The following CHSY3 variants were observed in gnomAD, a reference collection of about 807,000 sequenced individuals.
The protein encoded by CHSY3 is chondroitin sulfate synthase 3.
In CHSY3, 35 loss-of-function variants were observed where a neutral mutation model predicts 67.2. That is an observed-to-expected ratio of 0.52 (90% confidence interval 0.40 to 0.69). CHSY3 has a LOEUF of 0.69. CHSY3 is among the 30% of genes least tolerant of loss of function. The probability of loss-of-function intolerance (pLI) is 0.00; values close to 1 mark genes in which losing one functional copy is unlikely to be tolerated. For synonymous variants in CHSY3, 474 were observed against 434.7 expected (o/e 1.09, Z -1.12); for missense variants, 1,069 against 1,138.5 (o/e 0.94, Z 0.88).
At chr5:130,125,132 A>C (rs1249834246) in intron 2 of CHSY3, among the ~76,000 whole-genome samples, 1 of 152,162 alleles carries the variant, frequency 6.6e-6, no homozygotes, top group Admixed American at 6.5e-5. Context: ...GTTGAATCTC[A>C]CAGGACAAGG....
At chr5:130,034,270 A>G (rs927890834) in intron 2 of CHSY3, among the ~76,000 whole-genome samples, 2 of 152,100 alleles carry the variant, frequency 1.3e-5, no homozygotes, top group African/African-American at 2.4e-5. Context: ...TAATATTCTA[A>G]TAGGCTTTTA....
intron 2 of CHSY3, among the ~76,000 whole-genome samples, chr5:129,978,381 C>T (rs1388512220): frequency 6.6e-6 from 1 of 152,110 alleles, no homozygotes; most frequent in Non-Finnish European, 1.5e-5. Flanking sequence ...TTAATAGCTT[C>T]ATTCATATTT....
chr5:130,030,790 A>G (rs768552601), intron 2 of CHSY3, among the ~76,000 whole-genome samples: 2 of 152,034 alleles, frequency 1.3e-5, no homozygotes, highest in African/African-American at 4.8e-5. Flanking sequence ...TATTCCCCGG[A>G]GCTAGGTTCT....
intron 2 of CHSY3, among the ~76,000 whole-genome samples, chr5:130,157,047 T>A (rs1271078444): frequency 1.3e-5 from 2 of 152,200 alleles, no homozygotes; most frequent in African/African-American, 4.8e-5. Flanking sequence ...ACGAACTACT[T>A]ACTTGTGGTC....
chr5:129,959,857 ACTTGAT>A, intron 2 of CHSY3, among the ~76,000 whole-genome samples: 1 of 151,900 alleles, frequency 6.6e-6, no homozygotes, highest in African/African-American at 2.4e-5. Context: ...ATCTTTTTTT[ACTTGAT>A]AACAACACTT....
intron 2 of CHSY3, among the ~76,000 whole-genome samples, chr5:130,044,471 A>G (rs1169013703): frequency 1.3e-5 from 2 of 152,144 alleles, no homozygotes; most frequent in Non-Finnish European, 2.9e-5. Flanking sequence ...AAACAGAGGA[A>G]AGCAGATGAA....
At chr5:129,960,487 G>A (rs976901757) in intron 2 of CHSY3, among the ~76,000 whole-genome samples, 9 of 152,018 alleles carry the variant, frequency 5.9e-5, no homozygotes, top group African/African-American at 2.2e-4. Context: ...ATTTAAAAAA[G>A]ACAACTGTAG....
intron 2 of CHSY3, among the ~76,000 whole-genome samples, chr5:130,143,734 G>GTGTGTGTATATATA (rs1223966105): frequency 1.1e-5 from 1 of 94,662 alleles, no homozygotes; most frequent in Non-Finnish European, 2.0e-5. Flanking sequence ...GTGTGTGTGT[G>GTGTGTGTATATATA]TATATATATA....
intron 2 of CHSY3, among the ~76,000 whole-genome samples, chr5:130,158,057 G>T (rs1044027544): frequency 6.6e-6 from 1 of 152,232 alleles, no homozygotes; most frequent in Admixed American, 6.5e-5. Context: ...GGTCACTCTT[G>T]TTGCCATCTT....
chr5:130,087,199 G>C (rs949153620), intron 2 of CHSY3, among the ~76,000 whole-genome samples: 3 of 151,592 alleles, frequency 2.0e-5, no homozygotes, highest in African/African-American at 7.3e-5. Context: ...AATAAATTAG[G>C]TATTGATGGG....
intron 2 of CHSY3, among the ~76,000 whole-genome samples, chr5:130,149,412 C>A (rs1401180387): frequency 1.3e-5 from 2 of 152,118 alleles, no homozygotes; most frequent in Admixed American, 6.6e-5. Flanking sequence ...GGTTGTACAT[C>A]ACATGGTGAA....
At chr5:129,945,301 G>A (rs1323574951) in intron 2 of CHSY3, among the ~76,000 whole-genome samples, 3 of 152,192 alleles carry the variant, frequency 2.0e-5, no homozygotes, top group Non-Finnish European at 2.9e-5. Flanking sequence ...AAAATTGCTA[G>A]TCTGTTCTTT....
intron 2 of CHSY3, among the ~76,000 whole-genome samples, chr5:130,077,401 A>T (rs1190316609): frequency 2.0e-5 from 3 of 152,084 alleles, no homozygotes. Context: ...CCCAAACAGG[A>T]ATTTATTTTT....
At chr5:130,057,610 C>T (rs1765576705) in intron 2 of CHSY3, among the ~76,000 whole-genome samples, 1 of 152,032 alleles carries the variant, frequency 6.6e-6, no homozygotes, top group Non-Finnish European at 1.5e-5. Context: ...GAGCTGGTAG[C>T]AAAAATCACA....
chr5:129,923,891 G>T (rs1323946874), intron 2 of CHSY3, among the ~76,000 whole-genome samples: 1 of 152,182 alleles, frequency 6.6e-6, no homozygotes, highest in African/African-American at 2.4e-5. Context: ...GATTAGGCAG[G>T]CAGGGGTACA....
Position 129,998,822 on chromosome 5 carries a change from CT to C in CHSY3, c.1086+90465del, listed in dbSNP as rs1039883833. Among the ~76,000 whole-genome samples the C allele has an allele frequency of 5.9e-5, 9 of 152,032 alleles. No individual in the cohort carries two copies. In the South Asian group the frequency reaches 1.9e-3, roughly 32 times the overall value. ...CTCATTCAGTACAGAAATTTGCTCT[CT>C]TTGTGCCATATGTTGCAAAATTCTT... On this transcript the variant is annotated intron_variant, in intron 2 of 2. Coordinates refer to ENST00000305031, the MANE Select transcript of CHSY3 (RefSeq NM_175856.5).
Position 130,096,026 on chromosome 5 carries a change from G to A in CHSY3, c.1087-88203G>A, listed in dbSNP as rs564374852. 1.1e-3 allele frequency among the ~76,000 whole-genome samples: 162 copies of A among 152,276 alleles called. 1 individual carries two copies. The highest frequency in any genetic ancestry group is 1.3e-3 in the Non-Finnish European group (89 of 68,024). On this transcript the variant is annotated intron_variant, in intron 2 of 2. Transcript: ENST00000305031. The stretch of plus-strand genomic sequence containing the variant: ...AAATAACTGACAAGAAGTATTCAAA[G>A]TTCTCAAGGTCATGAATGATAAGGA...
intron 2 of CHSY3, among the ~76,000 whole-genome samples, chr5:129,924,074 A>G (rs1267667418): frequency 6.6e-6 from 1 of 152,194 alleles, no homozygotes; most frequent in Non-Finnish European, 1.5e-5. Flanking sequence ...TTTGAAAATT[A>G]TATAAAATTT....
intron 2 of CHSY3, among the ~76,000 whole-genome samples, chr5:130,012,055 G>T (rs187546741): frequency 1.2e-3 from 185 of 152,272 alleles, no homozygotes; most frequent in African/African-American, 4.2e-3. Context: ...AATGCTCTTT[G>T]TACCAACTAC....
Sources: gnomAD v4.1 joint callset for allele counts (sites outside exome capture counted in the v4.1 genomes callset) on GRCh38, gnomAD v4.1.1 for gene constraint, MANE v1.5 for transcripts, NCBI Gene and HGNC (gene_info 2026-07-23, HGNC 2026-07-21) for gene names.